SPACA7: variants seen among roughly 807,000 people sequenced by gnomAD.
SPACA7 encodes the protein sperm acrosome-associated protein 7.
In SPACA7, 19 loss-of-function variants were observed where a neutral mutation model predicts 26.3. The observed-to-expected ratio is 0.72, with a 90% CI of 0.50 to 1.06. The LOEUF is 1.06. Ranked by LOEUF, SPACA7 falls within the 50% of genes least tolerant of loss-of-function variation. SPACA7 has a pLI of 0.00. For synonymous variants in SPACA7, 84 were observed against 84.5 expected (o/e 0.99, Z 0.04); for missense variants, 211 against 229.9 (o/e 0.92, Z 0.53).
At chr13:112,405,492 TC>T (rs1885926946) in intron 5 of SPACA7, among the ~76,000 whole-genome samples, 1 of 152,220 alleles carries the variant, frequency 6.6e-6, no homozygotes, top group Non-Finnish European at 1.5e-5. Flanking sequence ...TCTTTGTTTT[TC>T]ATAATAATTT....
intron 1 of SPACA7, among the ~76,000 whole-genome samples, chr13:112,388,818 G>A (rs764558431): frequency 1.3e-5 from 2 of 152,140 alleles, no homozygotes; most frequent in African/African-American, 2.4e-5. Context: ...CTTGGTGGGT[G>A]GGGGGAAGCC....
At chr13:112,418,550 G>C (rs907694759) in intron 5 of SPACA7, among the ~76,000 whole-genome samples, 1 of 152,318 alleles carries the variant, frequency 6.6e-6, no homozygotes, top group Admixed American at 6.5e-5. Flanking sequence ...TGTGAAACCA[G>C]CATGATAGGA....
At chr13:112,401,245 C>A in intron 5 of SPACA7, 81 bp downstream of exon 5, 1 of 1,092,470 alleles carries the variant, frequency 9.2e-7, no homozygotes, top group Non-Finnish European at 1.4e-6. Flanking sequence ...TCCCTCCAGC[C>A]TCGCCAGTAT....
At chr13:112,379,904 T>C (rs1005416585) in intron 1 of SPACA7, among the ~76,000 whole-genome samples, 5 of 152,218 alleles carry the variant, frequency 3.3e-5, no homozygotes, top group African/African-American at 9.6e-5. Context: ...TTAAGTTAAA[T>C]GACAGTAAAG....
intron 5 of SPACA7, among the ~76,000 whole-genome samples, chr13:112,428,823 TAA>T (rs1168834474): frequency 6.6e-6 from 1 of 152,220 alleles, no homozygotes; most frequent in Non-Finnish European, 1.5e-5. Context: ...ATTATACTGT[TAA>T]GAGGTGGACT....
chr13:112,398,447 T>A (rs28490125), intron 3 of SPACA7, among the ~76,000 whole-genome samples: 1 of 150,216 alleles, frequency 6.7e-6, no homozygotes. Context: ...CTGAGAACCC[T>A]GCACTAACCA....
At chr13:112,407,535 T>C (rs956417291) in intron 5 of SPACA7, among the ~76,000 whole-genome samples, 1 of 151,956 alleles carries the variant, frequency 6.6e-6, no homozygotes, top group Non-Finnish European at 1.5e-5. Context: ...GTAAAGGGGA[T>C]ATCACCACCG....
chr13:112,434,015 C>T (rs2139099276), intron 6 of SPACA7, among the ~76,000 whole-genome samples: 1 of 152,320 alleles, frequency 6.6e-6, no homozygotes, highest in South Asian at 2.1e-4. Flanking sequence ...ACTGATGAAG[C>T]TCCTGTACGT....
At chr13:112,397,631 C>A (rs7324331) in intron 2 of SPACA7, among the ~76,000 whole-genome samples, 1 of 152,042 alleles carries the variant, frequency 6.6e-6, no homozygotes, top group South Asian at 2.1e-4. Flanking sequence ...CCCATAGGGA[C>A]GTAAAAGAAG....
chr13:112,425,440 C>A lies in SPACA7; in HGVS notation c.446-7004C>A, dbSNP rs564432650. Among the ~76,000 whole-genome samples, 63 of 152,344 alleles carry A rather than the reference C, an allele frequency of 4.1e-4. 1 individual carries two copies. The highest frequency in any genetic ancestry group is 7.1e-4 in the Non-Finnish European group (48 of 68,034). ...TGGCTTCCCCTCAGCTCGGCCCGGCCGCTGGAGCCAAGGTTGGGAGTGCCC... is the reference window on the plus strand; with the variant it reads ...TGGCTTCCCCTCAGCTCGGCCCGGCAGCTGGAGCCAAGGTTGGGAGTGCCC... On this transcript the variant is annotated intron_variant, in intron 5 of 6. Transcript: ENST00000283550.
Position 112,379,145 on chromosome 13 carries a change from C to T in SPACA7, c.94+2666C>T, listed in dbSNP as rs778624088. 5.8e-4 allele frequency among the ~76,000 whole-genome samples: 88 copies of T among 152,242 alleles called. 1 individual carries two copies. The highest frequency in any genetic ancestry group is 1.1e-3 in the Non-Finnish European group (76 of 68,016). On this transcript the variant is annotated intron_variant, in intron 1 of 6. Coordinates refer to ENST00000283550, the MANE Select transcript of SPACA7 (RefSeq NM_145248.5). ...TTATAATCGTCCCCACATTGAGTCC[C>T]ACATCATTAATTCTTGTTCTACTTG... is the stretch of plus-strand genomic sequence containing the variant.
chr13:112,397,794 TGGGGG>T lies in SPACA7; in HGVS notation c.152-253_152-249del, dbSNP rs1254387702. Among the ~76,000 whole-genome samples the T allele has an allele frequency of 2.0e-5, 3 of 152,296 alleles. No individual in the cohort carries two copies. The East Asian group carries it at 5.8e-4, about 29-fold the overall frequency. On this transcript the variant is annotated intron_variant, in intron 2 of 6. Coordinates refer to ENST00000283550, the MANE Select transcript of SPACA7 (RefSeq NM_145248.5). ...GGCCAAGCGTCCAGCCTTGTACCTT[TGGGGG>T]GCAATGTTCAGTGTCCAAAATGTCC...
At chr13:112,405,585 A>G (rs1004001967) in intron 5 of SPACA7, among the ~76,000 whole-genome samples, 1 of 152,168 alleles carries the variant, frequency 6.6e-6, no homozygotes, top group Non-Finnish European at 1.5e-5. Context: ...TCATAAATAT[A>G]TTCAATTTTT....
intron 5 of SPACA7, among the ~76,000 whole-genome samples, chr13:112,410,232 G>A (rs559167343): frequency 6.6e-6 from 1 of 152,178 alleles, no homozygotes; most frequent in South Asian, 2.1e-4. Flanking sequence ...GCGGGGATGG[G>A]GGAGGGATAG....
chr13:112,430,276 G>T (rs1876968828), intron 5 of SPACA7, among the ~76,000 whole-genome samples: 1 of 151,476 alleles, frequency 6.6e-6, no homozygotes, highest in South Asian at 2.1e-4. Context: ...TGAGATCACT[G>T]GGCTCTGCGT....
At chr13:112,387,541 T>G (rs1007831432) in intron 1 of SPACA7, among the ~76,000 whole-genome samples, 9 of 152,206 alleles carry the variant, frequency 5.9e-5, no homozygotes, top group East Asian at 1.9e-4. Flanking sequence ...ATTAAACCCT[T>G]GCAGAGAGAC....
At chr13:112,400,454 C>T (rs1267962952) in intron 4 of SPACA7, among the ~76,000 whole-genome samples, 1 of 152,186 alleles carries the variant, frequency 6.6e-6, no homozygotes, top group African/African-American at 2.4e-5. Flanking sequence ...TGCCCCTCCT[C>T]CCCTGTTTAT....
In SPACA7 at chr13:112,424,998, C is replaced by A. The variant is rs200985057; in HGVS notation, c.446-7446C>A. On this transcript the variant is annotated intron_variant, in intron 5 of 6. Transcript: ENST00000283550. The stretch of plus-strand genomic sequence containing the variant: ...CATAGACACTGAGGAGAATGTGAAA[C>A]CTTGACCCTTATTTGAGCAGAGGAC... 6.6e-5 allele frequency among the ~76,000 whole-genome samples: 10 copies of A among 152,292 alleles called. No individual in the cohort carries two copies. The East Asian group carries it at 1.9e-3, about 29-fold the overall frequency.
intron 2 of SPACA7, among the ~76,000 whole-genome samples, chr13:112,396,535 C>G (rs1232883802): frequency 6.6e-6 from 1 of 152,060 alleles, no homozygotes; most frequent in African/African-American, 2.4e-5. Flanking sequence ...CCATCCTTGG[C>G]CCCCCAGTGC....
Sources: allele counts gnomAD v4.1 joint callset (sites outside exome capture counted in the v4.1 genomes callset), GRCh38; gene constraint gnomAD v4.1.1; transcripts MANE v1.5; gene names NCBI Gene and HGNC (gene_info 2026-07-23, HGNC 2026-07-21).